Variants in SRPK1 observed in about 807,000 individuals in gnomAD.
SRPK1 encodes the protein SRSF protein kinase 1.
A neutral mutation model predicts 89.5 loss-of-function variants in SRPK1; 52 were observed. That is an observed-to-expected ratio of 0.58 (90% CI 0.46 to 0.73). The LOEUF is 0.73. SRPK1 is among the 30% of genes least tolerant of loss of function. The probability of loss-of-function intolerance (pLI) is 0.00; values close to 1 mark genes in which losing one functional copy is unlikely to be tolerated. For synonymous variants in SRPK1, 255 were observed against 270.2 expected, an observed-to-expected ratio of 0.94 and a Z score of 0.55; for missense variants, 603 against 780.6, an observed-to-expected ratio of 0.77 and a Z score of 2.71.
intron 2 of SRPK1, among the ~76,000 whole-genome samples, chr6:35,892,653 AAAC>A (rs34158380): frequency 0.2 from 29,045 of 148,414 alleles, 3,227 homozygotes; most frequent in East Asian, 0.32. Context: ...TTCTGTCTAA[AAAC>A]AACAACAACA....
intron 12 of SRPK1, among the ~76,000 whole-genome samples, chr6:35,861,876 G>C (rs1417471393): frequency 6.6e-6 from 1 of 152,146 alleles, no homozygotes; most frequent in Non-Finnish European, 1.5e-5. Context: ...CTCAGTCACA[G>C]GCCAACAGCT....
At chr6:35,906,850 A>G (rs1770857360) in intron 2 of SRPK1, among the ~76,000 whole-genome samples, 3 of 152,308 alleles carry the variant, frequency 2.0e-5, no homozygotes, top group South Asian at 2.1e-4. Context: ...ACCCACTCTA[A>G]TGGACTAAAC....
chr6:35,884,062 T>G (rs112351027), intron 6 of SRPK1, among the ~76,000 whole-genome samples: 2 of 151,748 alleles, frequency 1.3e-5, no homozygotes, highest in African/African-American at 4.8e-5. Flanking sequence ...AAAAATCTAA[T>G]GGGGAGACAG....
At chr6:35,846,225 G>A (rs1399031980) in intron 13 of SRPK1, among the ~76,000 whole-genome samples, 1 of 151,012 alleles carries the variant, frequency 6.6e-6, no homozygotes, top group Non-Finnish European at 1.5e-5. Flanking sequence ...AGGAGTTCAA[G>A]ACCAGCCTGG....
At chr6:35,886,841 CA>C in intron 5 of SRPK1, 30 bp from the exon 6 acceptor site, 1 of 1,306,018 alleles carries the variant, frequency 7.7e-7, no homozygotes, top group Non-Finnish European at 1.1e-6. Context: ...GTGTTTAGCA[CA>C]AGGTAAAGCA....
chr6:35,915,992 ATATATAC>A (rs1771088205), intron 2 of SRPK1, among the ~76,000 whole-genome samples: 3 of 62,156 alleles, frequency 4.8e-5, no homozygotes, highest in African/African-American at 2.6e-4. Context: ...AAAAAAAAAA[ATATATAC>A]ACACACACAC....
At chr6:35,914,878 A>G (rs1271873454) in intron 2 of SRPK1, among the ~76,000 whole-genome samples, 1 of 151,824 alleles carries the variant, frequency 6.6e-6, no homozygotes, top group Admixed American at 6.6e-5. Flanking sequence ...GGCTCACTAC[A>G]ATCTCCACCT....
rs766009014 is a variant in SRPK1 at position 35,870,948 on chromosome 6, G to A, written c.763C>T (p.Pro255Ser). 1.2e-6 allele frequency: 2 copies of A among 1,608,600 alleles called. No individual in the cohort carries two copies. The highest frequency in any genetic ancestry group is 1.7e-6 in the Non-Finnish European group (2 of 1,176,804). ...CTTATACTTACTGGTTTAGGCTGGG[G>A]AGCAGTACTGACTGAAAAGAAAAGA... Reference protein sequence around the residue: ...PPSGSAVSTAPQPKPADKMSK... With the variant: ...PPSGSAVSTASQPKPADKMSK... Residue 255 changes from proline to serine, a missense_variant, in exon 9 of 16, where the codon CCC becomes TCC. Physicochemically the swap from Pro to Ser is moderately conservative, Grantham distance 74. Coordinates refer to ENST00000373825, the MANE Select transcript of SRPK1 (RefSeq NM_003137.5).
At chr6:35,838,896 A>T in intron 14 of SRPK1, 2 of 1,212,192 alleles carry the variant, frequency 1.6e-6, no homozygotes, top group South Asian at 2.6e-5. Flanking sequence ...AAAAGTAACT[A>T]CAAATAAAAC....
intron 2 of SRPK1, among the ~76,000 whole-genome samples, chr6:35,906,938 C>G (rs1414477890): frequency 6.6e-6 from 1 of 152,186 alleles, no homozygotes; most frequent in East Asian, 1.9e-4. Flanking sequence ...TCTGTCAACT[C>G]TCTCTCTGGG....
At chr6:35,900,038 T>A (rs926167824) in intron 2 of SRPK1, among the ~76,000 whole-genome samples, 2 of 150,374 alleles carry the variant, frequency 1.3e-5, no homozygotes, top group Non-Finnish European at 3.0e-5. Context: ...TAAAAAAAAA[T>A]AAAAAGATTC....
At position 35,835,039 on chromosome 6, in the gene SRPK1, C is replaced by T. The variant is rs1022246962; in HGVS notation, c.*265G>A. On this transcript the variant is annotated 3_prime_UTR_variant, in exon 16 of 16. Coordinates refer to ENST00000373825, the MANE Select transcript of SRPK1 (RefSeq NM_003137.5). Reference sequence around the variant, plus strand: ...GATGTCCTAATGGGAAGGAAAGGTACAGGGCAAGAGGCTGTTTCACATTTT... The same window carrying T: ...GATGTCCTAATGGGAAGGAAAGGTATAGGGCAAGAGGCTGTTTCACATTTT... 5 of 319,978 alleles carry T rather than the reference C, an allele frequency of 1.6e-5. No individual in the cohort carries two copies. Among genetic ancestry groups the T allele is most frequent in the Non-Finnish European group, 2.9e-5 (5 of 172,336 alleles). 19.8% of individuals were successfully genotyped at this position (319,978 alleles called of 1,614,324 possible).
intron 3 of SRPK1, 47 bp from the exon 4 acceptor site, chr6:35,888,970 C>G (rs770885343): frequency 2.2e-6 from 3 of 1,334,704 alleles, no homozygotes; most frequent in Non-Finnish European, 2.2e-6. Flanking sequence ...GGATGAGAAA[C>G]AATGGTAAGA....
chr6:35,862,894 G>C (rs1296829023), intron 12 of SRPK1, among the ~76,000 whole-genome samples: 1 of 152,178 alleles, frequency 6.6e-6, no homozygotes, highest in Admixed American at 6.5e-5. Context: ...GCAGGGCACA[G>C]TTGCTCACAT....
Position 35,835,191 on chromosome 6 carries a change from G to C in SRPK1, c.*113C>G, listed in dbSNP as rs758595221. 2.1e-5 allele frequency: 20 copies of C among 959,684 alleles called. No individual in the cohort carries two copies. The highest frequency in any genetic ancestry group is 2.8e-5 in the Non-Finnish European group (19 of 672,670). 59.4% of individuals were successfully genotyped at this position (959,684 alleles called of 1,614,324 possible). A position where few individuals can be genotyped will look rare whatever the true frequency, so the allele number is the denominator to read the frequency against. On this transcript the variant is annotated 3_prime_UTR_variant, in exon 16 of 16. Transcript: ENST00000373825. ...ACATGTTGGATTAAAAAAAAAACAA[G>C]ATCTAGAAACTCTTGAAGGAAGAGC...
At chr6:35,916,924 G>C (rs1771116614) in intron 2 of SRPK1, among the ~76,000 whole-genome samples, 1 of 152,196 alleles carries the variant, frequency 6.6e-6, no homozygotes, top group Non-Finnish European at 1.5e-5. Flanking sequence ...GCCGGGCGTG[G>C]TGGCAGGTGC....
At chr6:35,911,436 CG>C (rs1455137890) in intron 2 of SRPK1, among the ~76,000 whole-genome samples, 1 of 151,836 alleles carries the variant, frequency 6.6e-6, no homozygotes, top group Admixed American at 6.6e-5. Context: ...GTTACTTGGC[CG>C]GGCGTGGTGG....
rs1582007514 is a variant in SRPK1 at position 35,870,499 on chromosome 6, G to A, written c.778-5C>T. 6.5e-7 allele frequency: 1 copy of A among 1,549,952 alleles called. No homozygotes were observed. Among genetic ancestry groups the A allele is most frequent in the East Asian group, 2.4e-5 (1 of 40,914 alleles). On this transcript the variant is annotated splice_polypyrimidine_tract_variant and splice_region_variant and intron_variant, in intron 9 of 15. Transcript: ENST00000373825. ...ATTCTTTGACATTTTGTCAGCCTGG[G>A]CGGAGATTACAAACAGATAAAGCCT... is the stretch of plus-strand genomic sequence containing the variant.
Position 35,835,487 on chromosome 6 carries a change from A to G in SRPK1, c.1785T>C (p.Gly595=). The part of the protein sequence containing the change: ...KYSKEFFTKK[G]DLKHITKLKP... The stretch of plus-strand genomic sequence containing the variant: ...TCAGCTTCGTGATATGTTTCAGGTC[A>G]CCTGCAGTGAAGACAGTACAGAAAA... The change falls in exon 16 of 16, where the codon GGT becomes GGC. Residue 595 remains glycine, a splice_region_variant and synonymous_variant. Coordinates refer to ENST00000373825, the MANE Select transcript of SRPK1 (RefSeq NM_003137.5). The G allele has an allele frequency of 1.2e-6, 2 of 1,610,196 alleles. No homozygotes were observed. Among genetic ancestry groups the G allele is most frequent in the South Asian group, 1.1e-5 (1 of 90,120 alleles).
Sources: gnomAD v4.1 joint callset for allele counts (sites outside exome capture counted in the v4.1 genomes callset) on GRCh38, gnomAD v4.1.1 for gene constraint, MANE v1.5 for transcripts, NCBI Gene and HGNC (gene_info 2026-07-23, HGNC 2026-07-21) for gene names.